Variants in ZNF268 observed in about 807,000 individuals in gnomAD.
ZNF268 encodes zinc finger protein 268.
In ZNF268, 20 loss-of-function variants were observed where a neutral mutation model predicts 29.3. The ratio of observed to expected loss-of-function variants is 0.68; its 90% CI spans 0.48 to 0.99. The LOEUF is 0.99. ZNF268 is among the 50% of genes least tolerant of loss of function. The pLI, the probability that ZNF268 is intolerant of heterozygous loss-of-function variation, is 0.00. For synonymous variants in ZNF268, 429 were observed against 376.9 expected (o/e 1.14, Z -1.60); for missense variants, 1,240 against 1,121.6 (o/e 1.11, Z -1.51).
intron 3 of ZNF268, among the ~76,000 whole-genome samples, chr12:133,189,134 C>G (rs754510787): frequency 1.1e-4 from 16 of 151,742 alleles, no homozygotes; most frequent in Non-Finnish European, 2.4e-4. Context: ...CATACAGATC[C>G]TACACAGATA....
In ZNF268 at chr12:133,212,516, C is replaced by CATAT. The variant is rs1286587451; in HGVS notation, c.*7989_*7990insTATA. 1 of 67,580 alleles carries CATAT rather than the reference C, an allele frequency of 1.5e-5. No individual in the cohort carries two copies. Among genetic ancestry groups the CATAT allele is most frequent in the Admixed American group, 1.9e-4 (1 of 5,198 alleles). 4.2% of individuals were successfully genotyped at this position (67,580 alleles called of 1,614,324 possible). A position where few individuals can be genotyped will look rare whatever the true frequency, so the allele number is the denominator to read the frequency against. On this transcript the variant is annotated 3_prime_UTR_variant, in exon 6 of 6. Transcript: ENST00000536435. ...ATATATATGTATATATACACACACA[C>CATAT]ATACACACATATATACACATATATA...
Position 133,205,159 on chromosome 12 carries a change from A to AAAAACAAAAAC in ZNF268, c.*633_*634insCAAAAACAAAA, listed in dbSNP as rs1956871784. ...AGCTTCATTCTAAAAAAAAAAAAAAAAAAAAAAAAAAAAACCAACCTGTTA... is the reference window on the plus strand; with the variant it reads ...AGCTTCATTCTAAAAAAAAAAAAAAAAAAACAAAAACAAAAAAAAAAAAAACCAACCTGTTA... On this transcript the variant is annotated 3_prime_UTR_variant, in exon 6 of 6. Transcript: ENST00000536435. 7.5e-6 allele frequency: 1 copy of AAAAACAAAAAC among 133,760 alleles called. No individual in the cohort carries two copies. Among genetic ancestry groups the AAAAACAAAAAC allele is most frequent in the South Asian group, 2.6e-4 (1 of 3,904 alleles). 8.3% of individuals were successfully genotyped at this position (133,760 alleles called of 1,614,324 possible).
At position 133,203,851 on chromosome 12, in the gene ZNF268, A is replaced by C. The variant is rs1203812152; in HGVS notation, c.2165A>C (p.Lys722Thr). ...CATATGAGAACTCATACAGGAGAGA[A>C]ACCACATGAGTGCAGGGAATGCGGG... ...IIHMRTHTGE[K>T]PHECRECGKS... is the part of the protein sequence containing the mutation. Residue 722 changes from lysine to threonine, a missense_variant, in exon 6 of 6, where the codon AAA (lysine) becomes ACA (threonine). This residue lies in a region of ZNF268 where 1,177 missense variants were observed against 1,039.6 expected (regional missense o/e 1.13). Transcript: ENST00000536435. The C allele has an allele frequency of 6.4e-7, 1 of 1,566,908 alleles. No individual in the cohort carries two copies. Among genetic ancestry groups the C allele is most frequent in the South Asian group, 1.1e-5 (1 of 86,978 alleles).
rs755999006 is a variant in ZNF268, at chr12:133,204,430, C to T, written c.2744C>T (p.Thr915Ile). 2 of 1,566,116 alleles carry T rather than the reference C, an allele frequency of 1.3e-6. No individual in the cohort carries two copies. The highest frequency in any genetic ancestry group is 1.2e-5 in the South Asian group (1 of 86,418). Residue 915 changes from threonine (T) to isoleucine (I), a missense_variant, in exon 6 of 6, where the codon ACA (threonine) becomes ATA (isoleucine). Physicochemically the swap from Thr to Ile is moderately conservative, Grantham distance 89. Around this residue, in one of 3 missense-constraint regions of ZNF268, gnomAD observed 1,177 missense variants for 1,039.6 expected, o/e 1.13. Coordinates refer to ENST00000536435, the MANE Select transcript of ZNF268 (RefSeq NM_003415.3). ...SILSAHQRTHTGEKPCKCTEC... is the reference protein window; with the variant it reads ...SILSAHQRTHIGEKPCKCTEC... ...CTCAGTGCACATCAGAGAACACATA[C>T]AGGAGAGAAGCCTTGTAAGTGCACT...
Position 133,211,717 on chromosome 12 carries a change from C to T in ZNF268, c.*7187C>T, listed in dbSNP as rs1475175295. 1 of 152,138 alleles carries T rather than the reference C, an allele frequency of 6.6e-6. No homozygotes were observed. The highest frequency in any genetic ancestry group is 2.4e-5 in the African/African-American group (1 of 41,410). 9.4% of individuals were successfully genotyped at this position (152,138 alleles called of 1,614,324 possible). The stretch of plus-strand genomic sequence containing the variant: ...GCACATCTATTAAAGTGACTATAAT[C>T]TAAAAATAAGTAAATTTGCAATTGC... On this transcript the variant is annotated 3_prime_UTR_variant, in exon 6 of 6. Coordinates refer to ENST00000536435, the MANE Select transcript of ZNF268 (RefSeq NM_003415.3).
intron 5 of ZNF268, among the ~76,000 whole-genome samples, chr12:133,194,242 C>T (rs1956543946): frequency 1.3e-5 from 2 of 152,170 alleles, no homozygotes; most frequent in African/African-American, 2.4e-5. Context: ...AACAGTTAGT[C>T]CTTGCATTAC....
chr12:133,210,832 G>A lies in ZNF268; in HGVS notation c.*6302G>A, dbSNP rs925491837. 8.8e-6 allele frequency: 4 copies of A among 455,916 alleles called. No homozygotes were observed. The highest frequency in any genetic ancestry group is 1.5e-5 in the South Asian group (1 of 64,562). 28.2% of individuals were successfully genotyped at this position (455,916 alleles called of 1,614,324 possible). A position where few individuals can be genotyped will look rare whatever the true frequency, so the allele number is the denominator to read the frequency against. ...CTGTGGATTCAACCCAGAGGTCTGT[G>A]AGCAGAATGCAGGTACTGCAAGCAG... On this transcript the variant is annotated 3_prime_UTR_variant, in exon 6 of 6. Coordinates refer to ENST00000536435, the MANE Select transcript of ZNF268 (RefSeq NM_003415.3).
In ZNF268 at chr12:133,189,889, C is replaced by T. The variant is rs1039901306; in HGVS notation, c.235-1600C>T. The stretch of plus-strand genomic sequence containing the variant: ...GTGGCACGACCTCGGCTCACTGTAA[C>T]CTCTGCTTCCTGGGTTCAAGTGAGT... On this transcript the variant is annotated intron_variant, in intron 3 of 5. Coordinates refer to ENST00000536435, the MANE Select transcript of ZNF268 (RefSeq NM_003415.3). Among the ~76,000 whole-genome samples, 3 of 152,174 alleles carry T rather than the reference C, an allele frequency of 2.0e-5. No individual in the cohort carries two copies. The East Asian group carries it at 5.8e-4, about 29-fold the overall frequency.
chr12:133,184,455 G>A (rs1466327978), intron 2 of ZNF268, among the ~76,000 whole-genome samples: 1 of 152,098 alleles, frequency 6.6e-6, no homozygotes, highest in Non-Finnish European at 1.5e-5. Flanking sequence ...TTACATGGTG[G>A]AAGGGGGCAA....
Position 133,181,575 on chromosome 12 carries a change from C to G in ZNF268, c.-164C>G, listed in dbSNP as rs993709661. The G allele has an allele frequency of 1.9e-4, 32 of 167,684 alleles. No individual in the cohort carries two copies. Among genetic ancestry groups the G allele is most frequent in the African/African-American group, 7.6e-4 (32 of 42,104 alleles). The allele number at this position is 167,684 out of a possible 1,614,324, so 10.4% of individuals were successfully genotyped here. A position where few individuals can be genotyped will look rare whatever the true frequency, so the allele number is the denominator to read the frequency against. ...AGCGTTCATCGCCCGTCGTGGTCAACGGGCCAGCCGAGTCTGGAGTGGTTG... is the reference window on the plus strand; with the variant it reads ...AGCGTTCATCGCCCGTCGTGGTCAAGGGGCCAGCCGAGTCTGGAGTGGTTG... On this transcript the variant is annotated 5_prime_UTR_variant, in exon 1 of 6. Coordinates refer to ENST00000536435, the MANE Select transcript of ZNF268 (RefSeq NM_003415.3).
Position 133,183,199 on chromosome 12 carries a change from C to T in ZNF268, c.33+1169C>T, listed in dbSNP as rs114924603. On this transcript the variant is annotated intron_variant, in intron 2 of 5. Coordinates refer to ENST00000536435, the MANE Select transcript of ZNF268 (RefSeq NM_003415.3). ...CATGGAAAAATTGTCCTCCACAAAA[C>T]GAGTCCCTGGTTGGGGACTGTTGGT... 3.6e-3 allele frequency among the ~76,000 whole-genome samples: 545 copies of T among 152,294 alleles called. 7 individuals carry two copies. Among genetic ancestry groups the T allele is most frequent in the African/African-American group, 0.013 (529 of 41,546 alleles).
chr12:133,204,591 G>C lies in ZNF268; in HGVS notation c.*61G>C, dbSNP rs1956851819. ...AGATAGAAACAATCATATATAAAGA[G>C]AAACTCTGTAAGTGGAATCATCTTG... On this transcript the variant is annotated 3_prime_UTR_variant, in exon 6 of 6. Coordinates refer to ENST00000536435, the MANE Select transcript of ZNF268 (RefSeq NM_003415.3). 1 of 1,258,436 alleles carries C rather than the reference G, an allele frequency of 7.9e-7. No homozygotes were observed. Among genetic ancestry groups the C allele is most frequent in the Non-Finnish European group, 1.1e-6 (1 of 939,154 alleles). The allele number at this position is 1,258,436 out of a possible 1,614,324, so 78.0% of individuals were successfully genotyped here. A position where few individuals can be genotyped will look rare whatever the true frequency, so the allele number is the denominator to read the frequency against.
intron 5 of ZNF268, among the ~76,000 whole-genome samples, chr12:133,199,012 T>C (rs1020747500): frequency 1.3e-5 from 2 of 151,424 alleles, no homozygotes; most frequent in African/African-American, 4.9e-5. Flanking sequence ...CTTTTCCTAA[T>C]TGAATACCCT....
rs1464089295 is a variant in ZNF268 at position 133,212,108 on chromosome 12, C to A, written c.*7578C>A. 6 of 152,048 alleles carry A rather than the reference C, an allele frequency of 3.9e-5. No individual in the cohort carries two copies. Among genetic ancestry groups the A allele is most frequent in the African/African-American group, 1.2e-4 (5 of 41,388 alleles). 9.4% of individuals were successfully genotyped at this position (152,048 alleles called of 1,614,324 possible). On this transcript the variant is annotated 3_prime_UTR_variant, in exon 6 of 6. Coordinates refer to ENST00000536435, the MANE Select transcript of ZNF268 (RefSeq NM_003415.3). ...TAGGCATATTGCTAAGTGAAAGAGA[C>A]CAGTGTGAAAAGGCTGTATGATCCT...
chr12:133,187,797 T>C (rs1393415043), intron 2 of ZNF268, 75 bp from the exon 3 acceptor site: 1 of 1,366,754 alleles, frequency 7.3e-7, no homozygotes, highest in East Asian at 2.5e-5. Context: ...CTCACATTTA[T>C]GTGATGTGAC....
rs1339082166 is a variant in ZNF268 at position 133,203,586 on chromosome 12, C to G, written c.1900C>G (p.His634Asp). 1.9e-6 allele frequency: 3 copies of G among 1,569,228 alleles called. No homozygotes were observed. Among genetic ancestry groups the G allele is most frequent in the South Asian group, 1.2e-5 (1 of 86,268 alleles). ...AAACCTGATTGTACATCAGAGAACT[C>G]ATACAGGAGAGAAACCCTATAGTTG... ...KSNLIVHQRT[H>D]TGEKPYSCNE... Residue 634 changes from histidine (H) to aspartate (D), a missense_variant, in exon 6 of 6, where the codon CAT (histidine) becomes GAT (aspartate). By Grantham distance (81) the His-to-Asp change is moderately conservative. This residue lies in a region of ZNF268 where 1,177 missense variants were observed against 1,039.6 expected (regional missense o/e 1.13). Coordinates refer to ENST00000536435, the MANE Select transcript of ZNF268 (RefSeq NM_003415.3).
rs1301826067 is a variant in ZNF268 at position 133,213,594 on chromosome 12, G to A, written c.*9064G>A. 1 of 151,920 alleles carries A rather than the reference G, an allele frequency of 6.6e-6. No homozygotes were observed. Among genetic ancestry groups the A allele is most frequent in the African/African-American group, 2.4e-5 (1 of 41,332 alleles). 9.4% of individuals were successfully genotyped at this position (151,920 alleles called of 1,614,324 possible). ...GCCTGTAATCCCAGCAACTCAGGAA[G>A]CTGAGGCAGGAGGATCGCTTGAAGC... On this transcript the variant is annotated 3_prime_UTR_variant, in exon 6 of 6. Transcript: ENST00000536435.
chr12:133,199,793 AT>A (rs1956706186), intron 5 of ZNF268, among the ~76,000 whole-genome samples: 1 of 152,046 alleles, frequency 6.6e-6, no homozygotes, highest in Non-Finnish European at 1.5e-5. Flanking sequence ...GAATTTATCC[AT>A]TTCTTTAGAT....
At chr12:133,184,394 C>T (rs766020051) in intron 2 of ZNF268, among the ~76,000 whole-genome samples, 7 of 152,084 alleles carry the variant, frequency 4.6e-5, no homozygotes, top group African/African-American at 1.2e-4. Context: ...CGTGAGCCAC[C>T]GCACCCGGCT....
Sources: gnomAD v4.1 joint callset for allele counts (sites outside exome capture counted in the v4.1 genomes callset) on GRCh38, gnomAD v4.1.1 for gene constraint, gnomAD v4.1.1 regional missense constraint, MANE v1.5 for transcripts, NCBI Gene and HGNC (gene_info 2026-07-23, HGNC 2026-07-21) for gene names.